The following MTOR variants were observed in gnomAD, a reference collection of about 807,000 sequenced individuals.
The protein encoded by MTOR is serine/threonine-protein kinase mTOR.
Under a neutral mutation model 319.8 loss-of-function variants are expected in MTOR, and 70 were observed. That is an observed-to-expected ratio of 0.22 (90% CI 0.18 to 0.27). MTOR has a LOEUF of 0.27. MTOR is among the 10% of genes least tolerant of loss of function. The pLI, the probability that MTOR is intolerant of heterozygous loss-of-function variation, is 1.00. For missense variants in MTOR, 1,890 were observed against 3,274.4 expected (o/e 0.58, Z 10.32); for synonymous variants, 1,183 against 1,211.4 (o/e 0.98, Z 0.49).
Position 11,147,414 on chromosome 1 carries a change from A to G in MTOR, c.4571-623T>C, listed in dbSNP as rs1570991361. Reference sequence around the variant, plus strand: ...GACAGGGGAAATAGCTGCATCCGGGAAGAGGTATTCACTTCTCCTGGTGGG... The same window carrying G: ...GACAGGGGAAATAGCTGCATCCGGGGAGAGGTATTCACTTCTCCTGGTGGG... On this transcript the variant is annotated intron_variant, in intron 31 of 57. Coordinates refer to ENST00000361445, the MANE Select transcript of MTOR (RefSeq NM_004958.4). Among the ~76,000 whole-genome samples the G allele has an allele frequency of 2.6e-5, 4 of 152,152 alleles. No individual in the cohort carries two copies. The East Asian group carries it at 7.7e-4, about 29-fold the overall frequency.
At chr1:11,218,763 A>C (rs767274865) in intron 19 of MTOR, among the ~76,000 whole-genome samples, 53 of 152,178 alleles carry the variant, frequency 3.5e-4, no homozygotes, top group Non-Finnish European at 7.2e-4. Context: ...TTAGCCTTTC[A>C]CATGTGTTCT....
chr1:11,235,059 C>T (rs761259252), intron 13 of MTOR, among the ~76,000 whole-genome samples: 2 of 152,136 alleles, frequency 1.3e-5, no homozygotes, highest in East Asian at 1.9e-4. Context: ...CTTAATAACC[C>T]GATTTTTCTG....
intron 29 of MTOR, among the ~76,000 whole-genome samples, chr1:11,161,746 A>G (rs1057141001): frequency 2.0e-5 from 3 of 152,230 alleles, no homozygotes; most frequent in African/African-American, 4.8e-5. Context: ...AGTAAAACTA[A>G]CAAACAGAAA....
chr1:11,120,405 G>T (rs893400995), intron 49 of MTOR, among the ~76,000 whole-genome samples: 1 of 152,042 alleles, frequency 6.6e-6, no homozygotes, highest in African/African-American at 2.4e-5. Context: ...CCACATGGTG[G>T]TACGTGCCTG....
intron 6 of MTOR, among the ~76,000 whole-genome samples, chr1:11,249,117 G>A (rs912624969): frequency 3.3e-5 from 5 of 151,984 alleles, no homozygotes; most frequent in South Asian, 2.1e-4. Flanking sequence ...CCAGCTACTC[G>A]GGAGGCTGAG....
intron 32 of MTOR, among the ~76,000 whole-genome samples, chr1:11,145,747 G>A (rs370849088): frequency 2.0e-5 from 3 of 152,052 alleles, no homozygotes; most frequent in Non-Finnish European, 2.9e-5. Flanking sequence ...CAAGTGATCC[G>A]TCTGCCTCGG....
At chr1:11,224,602 C>T (rs1400629847) in intron 19 of MTOR, among the ~76,000 whole-genome samples, 2 of 152,046 alleles carry the variant, frequency 1.3e-5, no homozygotes, top group East Asian at 1.9e-4. Context: ...CTGTCCATAA[C>T]GTTAGCAAAT....
chr1:11,237,708 G>C (rs1281232986), intron 13 of MTOR, 135 bp downstream of exon 13: 1 of 895,296 alleles, frequency 1.1e-6, no homozygotes, highest in African/African-American at 1.7e-5. Context: ...TTGGACCTTT[G>C]CAGACAAATG....
chr1:11,189,793 A>T, intron 28 of MTOR: 5 of 1,614,222 alleles, frequency 3.1e-6, no homozygotes, highest in Non-Finnish European at 4.2e-6. Flanking sequence ...GAAGCAGGAG[A>T]GGGACTGGGT....
intron 28 of MTOR, among the ~76,000 whole-genome samples, chr1:11,186,995 C>T (rs975079920): frequency 1.3e-5 from 2 of 152,174 alleles, no homozygotes; most frequent in Non-Finnish European, 2.9e-5. Context: ...AGGCTAGATG[C>T]TTCCAATACA....
At position 11,121,798 on chromosome 1, in the gene MTOR, G is replaced by A. The variant is rs1269485072; in HGVS notation, c.6810+181C>T. Reference sequence around the variant, plus strand: ...TGGTGAAAACAATTTCTCAGCTTAAGGGTCCTTCAGTTTCTTACAAGCTTA... The same window carrying A: ...TGGTGAAAACAATTTCTCAGCTTAAAGGTCCTTCAGTTTCTTACAAGCTTA... On this transcript the variant is annotated intron_variant, in intron 48 of 57. Transcript: ENST00000361445. The surrounding 1 kb of genome is among the most constrained non-coding windows in gnomAD (Gnocchi z 4.9). Among the ~76,000 whole-genome samples, 1 of 152,158 alleles carries A rather than the reference G, an allele frequency of 6.6e-6. No individual in the cohort carries two copies. Among genetic ancestry groups the A allele is most frequent in the Non-Finnish European group, 1.5e-5 (1 of 68,028 alleles).
intron 28 of MTOR, chr1:11,189,712 T>C (rs1645450650): frequency 1.2e-6 from 2 of 1,614,130 alleles, no homozygotes; most frequent in East Asian, 2.2e-5. Context: ...AGCGGCCAAC[T>C]GCTGTGAGGA....
chr1:11,169,563 A>T (rs1644748331), intron 28 of MTOR, among the ~76,000 whole-genome samples: 1 of 152,252 alleles, frequency 6.6e-6, no homozygotes, highest in African/African-American at 2.4e-5. Flanking sequence ...ACATCTCACC[A>T]CATGTGATGG....
chr1:11,233,195 T>C, intron 15 of MTOR: 1 of 836,318 alleles, frequency 1.2e-6, no homozygotes, highest in East Asian at 2.4e-5. Flanking sequence ...GCTGAAAATG[T>C]CACCACTATC....
rs546191366 is a variant in MTOR at position 11,111,968 on chromosome 1, A to T, written c.7366+884T>A. 2.0e-5 allele frequency among the ~76,000 whole-genome samples: 3 copies of T among 151,768 alleles called. No individual in the cohort carries two copies. The South Asian group carries it at 6.3e-4, about 32-fold the overall frequency. ...TAAACAATTTTACTCAAAAACAAAC[A>T]AACAAACAAACAAAAAAACCCCCCA... On this transcript the variant is annotated intron_variant, in intron 54 of 57. Coordinates refer to ENST00000361445, the MANE Select transcript of MTOR (RefSeq NM_004958.4).
At chr1:11,235,356 T>C (rs1465872456) in intron 13 of MTOR, among the ~76,000 whole-genome samples, 3 of 152,120 alleles carry the variant, frequency 2.0e-5, no homozygotes, top group Non-Finnish European at 4.4e-5. Context: ...CGGTGGCTCA[T>C]GCCTGTAATC....
intron 5 of MTOR, among the ~76,000 whole-genome samples, 189 bp downstream of exon 5, chr1:11,255,803 C>T (rs1019780541): frequency 9.4e-5 from 14 of 149,730 alleles, no homozygotes; most frequent in South Asian, 2.1e-4. Context: ...GCCGAGATTG[C>T]GCCACTGCAC....
intron 13 of MTOR, 148 bp downstream of exon 13, chr1:11,237,695 C>T: frequency 3.8e-6 from 3 of 791,972 alleles, no homozygotes; most frequent in Non-Finnish European, 6.1e-6. Context: ...GCCAGGGAAA[C>T]ATTTGGACCT....
At chr1:11,145,515 G>A (rs1338514875) in intron 32 of MTOR, among the ~76,000 whole-genome samples, 1 of 151,982 alleles carries the variant, frequency 6.6e-6, no homozygotes. Flanking sequence ...TAGCTGGGAT[G>A]CTGGGGTTAC....
Sources: gnomAD v4.1 joint callset for allele counts (sites outside exome capture counted in the v4.1 genomes callset) on GRCh38, gnomAD v4.1.1 for gene constraint, Gnocchi (gnomAD v3.1) non-coding constraint, MANE v1.5 for transcripts, NCBI Gene and HGNC (gene_info 2026-07-23, HGNC 2026-07-21) for gene names.